Variants in MPV17 observed in about 807,000 individuals in gnomAD.
MPV17 encodes mitochondrial inner membrane protein MPV17.
MPV17 carries 31 observed loss-of-function variants against 28.6 expected under a neutral mutation model. That is an observed-to-expected ratio of 1.08 (90% CI 0.81 to 1.46). The LOEUF is 1.46. MPV17 is among the 40% of genes most tolerant of loss of function. MPV17 has a pLI of 0.00. For synonymous variants in MPV17, 87 were observed against 85.3 expected (o/e 1.02, Z -0.11); for missense variants, 198 against 216.2 (o/e 0.92, Z 0.53).
At chr2:27,322,665 T>C in intron 1 of MPV17, 143 bp from the exon 2 acceptor site, 1 of 676,688 alleles carries the variant, frequency 1.5e-6, no homozygotes, top group Non-Finnish European at 2.6e-6. Context: ...GAAGGATGCT[T>C]CCCAGACAGC....
In MPV17 at chr2:27,309,587, G is replaced by A. The variant is rs1679348704; in HGVS notation, c.*325C>T. 1 of 560,702 alleles carries A rather than the reference G, an allele frequency of 1.8e-6. No homozygotes were observed. Among genetic ancestry groups the A allele is most frequent in the African/African-American group, 1.9e-5 (1 of 53,196 alleles). 34.7% of individuals were successfully genotyped at this position (560,702 alleles called of 1,614,324 possible). A position where few individuals can be genotyped will look rare whatever the true frequency, so the allele number is the denominator to read the frequency against. ...CTGGAGCTACAAGAAGCCTAGGCAG[G>A]GTTAGAGTAACAAATGTGTCTATGA... On this transcript the variant is annotated 3_prime_UTR_variant, in exon 8 of 8. Coordinates refer to ENST00000380044, the MANE Select transcript of MPV17 (RefSeq NM_002437.5).
At chr2:27,322,553 C>G (rs1261041097) in intron 1 of MPV17, 31 bp from the exon 2 acceptor site, 1 of 1,588,296 alleles carries the variant, frequency 6.3e-7, no homozygotes, top group Admixed American at 1.7e-5. Context: ...GGGGTCACCC[C>G]CACCGTCCCT....
In MPV17 at chr2:27,322,709, G is replaced by T. The variant is rs561843779; in HGVS notation, c.-5-187C>A. 3 of 616,306 alleles carry T rather than the reference G, an allele frequency of 4.9e-6. No individual in the cohort carries two copies. The African/African-American group carries it at 5.5e-5, about 11-fold the overall frequency. The allele number at this position is 616,306 out of a possible 1,614,324, so 38.2% of individuals were successfully genotyped here. On this transcript the variant is annotated intron_variant, in intron 1 of 7. Transcript: ENST00000380044. ...GCAGGAGTCGCCTTAGACAATTGGGGAAGAGAGAAAGGCTGTGGGAAGCTA... is the reference window on the plus strand; with the variant it reads ...GCAGGAGTCGCCTTAGACAATTGGGTAAGAGAGAAAGGCTGTGGGAAGCTA...
At chr2:27,316,982 C>T in intron 2 of MPV17, 3 of 1,216,476 alleles carry the variant, frequency 2.5e-6, no homozygotes, top group African/African-American at 1.5e-5. Flanking sequence ...GGGACCACTT[C>T]CTGCCCACTA....
chr2:27,322,488 G>GGCCCGCTGGTAT lies in MPV17; in HGVS notation c.18_29dup (p.Tyr7_Ala10dup). 6.2e-7 allele frequency: 1 copy of GGCCCGCTGGTAT among 1,614,054 alleles called. No individual in the cohort carries two copies. Among genetic ancestry groups the GGCCCGCTGGTAT allele is most frequent in the Non-Finnish European group, 8.5e-7 (1 of 1,180,036 alleles). ...GTACTTTCCACGGGTGAGCGGCCAGGGCCCGCTGGTATGCCCGCCAGAGTG... is the reference window on the plus strand; with the variant it reads ...GTACTTTCCACGGGTGAGCGGCCAGGGCCCGCTGGTATGCCCGCTGGTATGCCCGCCAGAGTG... On this transcript the variant is annotated inframe_insertion, in exon 2 of 8. Coordinates refer to ENST00000380044, the MANE Select transcript of MPV17 (RefSeq NM_002437.5).
Position 27,315,413 on chromosome 2 carries a change from G to A in MPV17, c.71-2304C>T, listed in dbSNP as rs555890713. Among the ~76,000 whole-genome samples, 7 of 152,308 alleles carry A rather than the reference G, an allele frequency of 4.6e-5. No individual in the cohort carries two copies. In the East Asian group the frequency reaches 1.4e-3, roughly 29 times the overall value. ...GCTGCCAAGAAGGCCAGGGGATGGTGAGGCAGAAAAGGCAGTCCTTTCTCA... is the reference window on the plus strand; with the variant it reads ...GCTGCCAAGAAGGCCAGGGGATGGTAAGGCAGAAAAGGCAGTCCTTTCTCA... On this transcript the variant is annotated intron_variant, in intron 2 of 7. Transcript: ENST00000380044.
chr2:27,311,351 G>A (rs932709891), intron 7 of MPV17: 14 of 524,848 alleles, frequency 2.7e-5, no homozygotes, highest in African/African-American at 3.8e-5. Context: ...GTGAGCCACC[G>A]TGCCCAGCCA....
chr2:27,311,797 T>G, intron 7 of MPV17, 102 bp downstream of exon 7: 1 of 1,571,412 alleles, frequency 6.4e-7, no homozygotes, highest in Non-Finnish European at 8.7e-7. Flanking sequence ...AGTGTTCCGT[T>G]TGGGGGTCTA....
At chr2:27,319,763 A>G (rs1679783979) in intron 2 of MPV17, among the ~76,000 whole-genome samples, 1 of 151,030 alleles carries the variant, frequency 6.6e-6, no homozygotes, top group Non-Finnish European at 1.5e-5. Context: ...CATCTCTACT[A>G]AAAATACAAA....
In MPV17 at chr2:27,320,744, C is replaced by G. The variant is rs140926744; in HGVS notation, c.70+1704G>C. ...GTTTTAAGATTCAAATCCTGGTCTT[C>G]TAAGTCTGAAATCTCTGTACTGTTT... On this transcript the variant is annotated intron_variant, in intron 2 of 7. Coordinates refer to ENST00000380044, the MANE Select transcript of MPV17 (RefSeq NM_002437.5). Among the ~76,000 whole-genome samples, 645 of 152,334 alleles carry G rather than the reference C, an allele frequency of 4.2e-3. 7 individuals carry two copies. The highest frequency in any genetic ancestry group is 6.9e-3 in the Non-Finnish European group (469 of 68,024).
In MPV17 at chr2:27,312,476, C is replaced by T. The variant is rs772896372; in HGVS notation, c.375+18G>A. ...CAGCCCGCCAGCCAGAGACATTCTC[C>T]ACACCTGCCCAGCTCACCCGCTGTA... On this transcript the variant is annotated intron_variant, in intron 5 of 7. Transcript: ENST00000380044. 8.1e-6 allele frequency: 13 copies of T among 1,613,090 alleles called. No homozygotes were observed. In the Admixed American group the frequency reaches 2.0e-4, roughly 25 times the overall value.
rs886055895 is a variant in MPV17, at chr2:27,309,718, C to A, written c.*194G>T. 1 of 660,184 alleles carries A rather than the reference C, an allele frequency of 1.5e-6. No homozygotes were observed. The highest frequency in any genetic ancestry group is 2.7e-5 in the East Asian group (1 of 36,850). The allele number at this position is 660,184 out of a possible 1,614,324, so 40.9% of individuals were successfully genotyped here. ...TGCCTAGTATGTGGTGGGAATAAGACTATTATCAAGGGCTCTAAAGCAGTC... is the reference window on the plus strand; with the variant it reads ...TGCCTAGTATGTGGTGGGAATAAGAATATTATCAAGGGCTCTAAAGCAGTC... On this transcript the variant is annotated 3_prime_UTR_variant, in exon 8 of 8. Transcript: ENST00000380044.
chr2:27,311,523 T>C, intron 7 of MPV17: 1 of 1,419,082 alleles, frequency 7.0e-7, no homozygotes. Flanking sequence ...CAACTGTCTT[T>C]ATTGTGAGTG....
chr2:27,311,902 T>C lies in MPV17; in HGVS notation c.458A>G (p.Tyr153Cys). ...GTGGGGTAGGGGTGCAACATACCTG[T>C]AATGAAGGGGGACCAGGTAGAAGTT... ...LANFYLVPLHYRLAVVQCVAV... is the reference protein window; with the variant it reads ...LANFYLVPLHCRLAVVQCVAV... The change falls in exon 7 of 8, where the codon TAC (tyrosine) becomes TGC (cysteine). Residue 153 changes from tyrosine (Y) to cysteine (C), a missense_variant. Coordinates refer to ENST00000380044, the MANE Select transcript of MPV17 (RefSeq NM_002437.5). The C allele has an allele frequency of 6.2e-7, 1 of 1,613,712 alleles. No homozygotes were observed. The highest frequency in any genetic ancestry group is 8.5e-7 in the Non-Finnish European group (1 of 1,179,928).
intron 2 of MPV17, chr2:27,315,768 G>C: frequency 2.4e-6 from 1 of 408,990 alleles, no homozygotes; most frequent in Non-Finnish European, 3.6e-6. Context: ...CACCATGTTA[G>C]CCAGGCTGGT....
chr2:27,321,533 T>C lies in MPV17; in HGVS notation c.70+915A>G, dbSNP rs866189607. Among the ~76,000 whole-genome samples the C allele has an allele frequency of 2.6e-5, 4 of 152,226 alleles. No individual in the cohort carries two copies. In the South Asian group the frequency reaches 8.3e-4, roughly 32 times the overall value. The stretch of plus-strand genomic sequence containing the variant: ...CATCACTAGAATCCTGTTCCCCTTC[T>C]CTAAACATGGGCAAGACCTCATCTT... On this transcript the variant is annotated intron_variant, in intron 2 of 7. Transcript: ENST00000380044.
In MPV17 at chr2:27,317,132, T is replaced by C; in HGVS notation, c.71-4023A>G. The C allele has an allele frequency of 6.5e-7, 1 of 1,550,266 alleles. No homozygotes were observed. Among genetic ancestry groups the C allele is most frequent in the Non-Finnish European group, 8.7e-7 (1 of 1,146,930 alleles). ...AGGCAGAGGGGCAAGAAGTGGCTTCTTGGAGTGAGGAGCAGGAAGCGTGTC... is the reference window on the plus strand; with the variant it reads ...AGGCAGAGGGGCAAGAAGTGGCTTCCTGGAGTGAGGAGCAGGAAGCGTGTC... On this transcript the variant is annotated intron_variant, in intron 2 of 7. Coordinates refer to ENST00000380044, the MANE Select transcript of MPV17 (RefSeq NM_002437.5). This position sits in a 1 kb window ranked among gnomAD's most constrained non-coding sequence, Gnocchi z 4.0.
At chr2:27,313,352 A>G (rs1414484414) in intron 2 of MPV17, 1 of 803,168 alleles carries the variant, frequency 1.2e-6, no homozygotes, top group African/African-American at 1.7e-5. Context: ...GGAACTTTGC[A>G]TTGAGCAGTA....
Position 27,311,919 on chromosome 2 carries a change from G to C in MPV17, c.441C>G (p.Tyr147Ter). ...LWPAVQLANF[Y>*]LVPLHYRLAV... ...CATACCTGTAATGAAGGGGGACCAG[G>C]TAGAAGTTGGCTAACTGCACAGCAG... is the stretch of plus-strand genomic sequence containing the variant. The change falls in exon 7 of 8, where the codon TAC becomes TAG. Residue 147 changes from tyrosine (Y) to a stop codon, truncating the protein, a stop_gained. Transcript: ENST00000380044. LOFTEE classifies it high-confidence loss of function. 6.2e-7 allele frequency: 1 copy of C among 1,613,860 alleles called. No homozygotes were observed. The highest frequency in any genetic ancestry group is 8.5e-7 in the Non-Finnish European group (1 of 1,179,992).
Sources: gnomAD v4.1 joint callset for allele counts (sites outside exome capture counted in the v4.1 genomes callset) on GRCh38, gnomAD v4.1.1 for gene constraint, Gnocchi (gnomAD v3.1) non-coding constraint, MANE v1.5 for transcripts, NCBI Gene and HGNC (gene_info 2026-07-23, HGNC 2026-07-21) for gene names.